The following PTN variants were observed in gnomAD, a reference collection of about 807,000 sequenced individuals.
The protein encoded by PTN is pleiotrophin.
PTN carries 18 observed loss-of-function variants against 24.1 expected under a neutral mutation model. The observed-to-expected ratio is 0.75, with a 90% confidence interval of 0.52 to 1.11. The LOEUF is 1.11. Ranked by LOEUF, PTN falls within the 50% of genes least tolerant of loss-of-function variation. The pLI is 0.00. For missense variants in PTN, 163 were observed against 198.8 expected (o/e 0.82, Z 1.08); for synonymous variants, 78 against 68.6 (o/e 1.14, Z -0.67).
intron 1 of PTN, among the ~76,000 whole-genome samples, chr7:137,338,071 T>C (rs1810477516): frequency 6.6e-6 from 1 of 151,990 alleles, no homozygotes; most frequent in African/African-American, 2.4e-5. Flanking sequence ...TAAGGGGTGA[T>C]GGGGAGACTT....
chr7:137,317,530 G>A (rs1810092474), intron 1 of PTN, among the ~76,000 whole-genome samples: 1 of 152,136 alleles, frequency 6.6e-6, no homozygotes, highest in African/African-American at 2.4e-5. Flanking sequence ...CCATCTTTGG[G>A]AAATTCTATA....
At chr7:137,232,011 AG>A (rs1193379823) in intron 4 of PTN, among the ~76,000 whole-genome samples, 3 of 151,940 alleles carry the variant, frequency 2.0e-5, no homozygotes, top group Non-Finnish European at 4.4e-5. Context: ...GAAGTCATAT[AG>A]CGGCTACTCT....
At chr7:137,310,508 C>T (rs1159152063) in intron 1 of PTN, among the ~76,000 whole-genome samples, 1 of 151,386 alleles carries the variant, frequency 6.6e-6, no homozygotes, top group Non-Finnish European at 1.5e-5. Flanking sequence ...AGTGATTCTC[C>T]TGCCTCAGCC....
At chr7:137,300,415 C>T (rs1809787636) in intron 1 of PTN, among the ~76,000 whole-genome samples, 1 of 151,952 alleles carries the variant, frequency 6.6e-6, no homozygotes, top group Admixed American at 6.6e-5. Flanking sequence ...GAGCAAAACA[C>T]AGTGCAGTAC....
At chr7:137,247,916 T>C (rs1345125015) in intron 4 of PTN, among the ~76,000 whole-genome samples, 2 of 152,196 alleles carry the variant, frequency 1.3e-5, no homozygotes, top group African/African-American at 4.8e-5. Context: ...ATACAAAAGA[T>C]GACATGAATT....
chr7:137,291,573 C>G (rs901162287), intron 1 of PTN, among the ~76,000 whole-genome samples: 1 of 152,064 alleles, frequency 6.6e-6, no homozygotes, highest in Non-Finnish European at 1.5e-5. Context: ...GCCTACGGGT[C>G]TCTCATTGTC....
In PTN at chr7:137,306,605, A is replaced by AT. The variant is rs1003085067; in HGVS notation, c.-2+36833dup. 1.1e-4 allele frequency among the ~76,000 whole-genome samples: 17 copies of AT among 151,544 alleles called. No homozygotes were observed. The East Asian group carries it at 1.2e-3, about 10-fold the overall frequency. On this transcript the variant is annotated intron_variant, in intron 1 of 4. Transcript: ENST00000348225. Reference sequence around the variant, plus strand: ...AAAGCCAATACAGCTCAACTCACCAATTTTTTTTTGTAGAAACAGAAAAAT... The same window carrying AT: ...AAAGCCAATACAGCTCAACTCACCAATTTTTTTTTTGTAGAAACAGAAAAAT...
chr7:137,258,262 G>A (rs1808970567), intron 1 of PTN, among the ~76,000 whole-genome samples: 1 of 152,134 alleles, frequency 6.6e-6, no homozygotes, highest in Non-Finnish European at 1.5e-5. Flanking sequence ...AGTACTAGAT[G>A]GGAGTTGGAG....
chr7:137,324,451 T>TATAA (rs1460014447), intron 1 of PTN, among the ~76,000 whole-genome samples: 4 of 133,338 alleles, frequency 3.0e-5, no homozygotes, highest in East Asian at 2.0e-4. Context: ...TATATATATA[T>TATAA]AAATTAACCT....
At chr7:137,281,281 C>T (rs1364676092) in intron 1 of PTN, among the ~76,000 whole-genome samples, 3 of 152,006 alleles carry the variant, frequency 2.0e-5, no homozygotes, top group Non-Finnish European at 1.5e-5. Flanking sequence ...AAATAGAATC[C>T]TATGTGATTC....
chr7:137,327,925 T>A (rs1810289028), intron 1 of PTN, among the ~76,000 whole-genome samples: 1 of 152,048 alleles, frequency 6.6e-6, no homozygotes, highest in South Asian at 2.1e-4. Flanking sequence ...ATATGAGAGG[T>A]TCTTGACTTC....
At chr7:137,277,247 C>G (rs1042253135) in intron 1 of PTN, among the ~76,000 whole-genome samples, 1 of 152,148 alleles carries the variant, frequency 6.6e-6, no homozygotes, top group South Asian at 2.1e-4. Context: ...CTCAACTAAC[C>G]AAAATTCACA....
intron 1 of PTN, among the ~76,000 whole-genome samples, chr7:137,272,611 C>T (rs1317597379): frequency 1.3e-5 from 2 of 152,202 alleles, no homozygotes; most frequent in Non-Finnish European, 2.9e-5. Context: ...CATGAGCCAT[C>T]TAGACCATTA....
At chr7:137,327,277 T>G (rs181787301) in intron 1 of PTN, among the ~76,000 whole-genome samples, 1 of 152,332 alleles carries the variant, frequency 6.6e-6, no homozygotes, top group Non-Finnish European at 1.5e-5. Context: ...CAGTGATTCC[T>G]TACAATCTAA....
chr7:137,271,867 G>T (rs1809281036), intron 1 of PTN, among the ~76,000 whole-genome samples: 1 of 152,144 alleles, frequency 6.6e-6, no homozygotes, highest in African/African-American at 2.4e-5. Flanking sequence ...AATCGACGTG[G>T]GTATAATATC....
intron 4 of PTN, among the ~76,000 whole-genome samples, chr7:137,232,379 A>G (rs1288377031): frequency 6.6e-6 from 1 of 151,930 alleles, no homozygotes; most frequent in Non-Finnish European, 1.5e-5. Context: ...TTTTGAGTTG[A>G]TAGAGGCTAG....
Position 137,324,433 on chromosome 7 carries a change from A to AAAAAAAAAT in PTN, c.-2+19005_-2+19006insATTTTTTTT. 7.1e-4 allele frequency among the ~76,000 whole-genome samples: 63 copies of AAAAAAAAAT among 88,762 alleles called. 1 individual carries two copies. Among genetic ancestry groups the AAAAAAAAAT allele is most frequent in the Admixed American group, 1.2e-3 (8 of 6,694 alleles). 58.2% of individuals were successfully genotyped at this position (88,762 alleles called of 152,430 possible). On this transcript the variant is annotated intron_variant, in intron 1 of 4. Coordinates refer to ENST00000348225, the MANE Select transcript of PTN (RefSeq NM_002825.7). ...CCCTGTCTCTAAAAAAAAAAAAAAA[A>AAAAAAAAAT]ATATATATATATATATATAAATTAA... is the stretch of plus-strand genomic sequence containing the variant.
In PTN at chr7:137,260,762, T is replaced by A. The variant is rs1809021911; in HGVS notation, c.-1-5788A>T. ...TCAGGTGCTATCCCTTTGGTAAGAA[T>A]GTAAATAACATTGCATTCTTTCACC... On this transcript the variant is annotated intron_variant, in intron 1 of 4. Coordinates refer to ENST00000348225, the MANE Select transcript of PTN (RefSeq NM_002825.7). Among the ~76,000 whole-genome samples, 4 of 152,184 alleles carry A rather than the reference T, an allele frequency of 2.6e-5. No individual in the cohort carries two copies. In the South Asian group the frequency reaches 8.3e-4, roughly 31 times the overall value.
chr7:137,240,591 A>C lies in PTN; in HGVS notation c.451+10639T>G, dbSNP rs185968353. The stretch of plus-strand genomic sequence containing the variant: ...TCCAGGTTTCAAGAACTACAGATGC[A>C]AAGAAATGGACACATAAGAAATCAT... On this transcript the variant is annotated intron_variant, in intron 4 of 4. Transcript: ENST00000348225. Among the ~76,000 whole-genome samples, 243 of 152,366 alleles carry C rather than the reference A, an allele frequency of 1.6e-3. 1 individual carries two copies. The highest frequency in any genetic ancestry group is 5.3e-3 in the African/African-American group (219 of 41,592).
Sources: allele counts gnomAD v4.1 joint callset (sites outside exome capture counted in the v4.1 genomes callset), GRCh38; gene constraint gnomAD v4.1.1; transcripts MANE v1.5; gene names NCBI Gene and HGNC (gene_info 2026-07-23, HGNC 2026-07-21).